The following SPIRE2 variants were observed in gnomAD, a reference collection of about 807,000 sequenced individuals.
SPIRE2 encodes the protein protein spire homolog 2.
SPIRE2 carries 76 observed loss-of-function variants against 80.7 expected under a neutral mutation model. The ratio of observed to expected loss-of-function variants is 0.94; its 90% CI spans 0.78 to 1.14. The LOEUF is 1.14. SPIRE2 is among the 50% of genes most tolerant of loss of function. The pLI is 0.00. For missense variants in SPIRE2, 1,196 were observed against 1,015.3 expected (o/e 1.18, Z -2.42); for synonymous variants, 535 against 432.6 (o/e 1.24, Z -2.94).
chr16:89,851,314 T>C (rs896879456), intron 3 of SPIRE2, among the ~76,000 whole-genome samples: 1 of 152,186 alleles, frequency 6.6e-6, no homozygotes, highest in Non-Finnish European at 1.5e-5. Flanking sequence ...TTCTGAAATA[T>C]GATGCCAAAG....
intron 10 of SPIRE2, chr16:89,862,225 G>C (rs2041751290): frequency 6.6e-6 from 1 of 151,832 alleles, no homozygotes; most frequent in African/African-American, 2.4e-5. Context: ...GGATGGTTTC[G>C]ATCTCCTGAC....
rs2041349951 is a variant in SPIRE2, at chr16:89,828,700, G to GCTGCGGGGCTCGCCGGGCCGGCGC, written c.158_181dup (p.Gly53_Arg60dup). The GCTGCGGGGCTCGCCGGGCCGGCGC allele has an allele frequency of 7.8e-7, 1 of 1,287,622 alleles. No individual in the cohort carries two copies. The highest frequency in any genetic ancestry group is 1.5e-5 in the African/African-American group (1 of 65,190). The allele number at this position is 1,287,622 out of a possible 1,614,324, so 79.8% of individuals were successfully genotyped here. A position where few individuals can be genotyped will look rare whatever the true frequency, so the allele number is the denominator to read the frequency against. ...CCGTGTGCTTCCAGGGCTGCCGCGG[G>GCTGCGGGGCTCGCCGGGCCGGCGC]CTGCGGGGCTCGCCGGGCCGGCGCC... On this transcript the variant is annotated inframe_insertion, in exon 1 of 15. Transcript: ENST00000378247. The surrounding 1 kb of genome is among the most constrained non-coding windows in gnomAD (Gnocchi z 5.9).
chr16:89,858,696 C>T (rs1390159328), intron 8 of SPIRE2, among the ~76,000 whole-genome samples, 189 bp downstream of exon 8: 2 of 152,202 alleles, frequency 1.3e-5, no homozygotes, highest in Non-Finnish European at 2.9e-5. Context: ...CCATCTTGGC[C>T]GCTCAGAAGG....
chr16:89,870,390 C>T lies in SPIRE2; in HGVS notation c.*118C>T, dbSNP rs2041829988. The T allele has an allele frequency of 1.6e-6, 1 of 639,170 alleles. No individual in the cohort carries two copies. The highest frequency in any genetic ancestry group is 2.6e-5 in the Admixed American group (1 of 37,916). The allele number at this position is 639,170 out of a possible 1,614,324, so 39.6% of individuals were successfully genotyped here. Reference sequence around the variant, plus strand: ...TAGATACATTTATAATATATACACACAGTCTATATATTTATATACACTGTT... The same window carrying T: ...TAGATACATTTATAATATATACACATAGTCTATATATTTATATACACTGTT... On this transcript the variant is annotated 3_prime_UTR_variant, in exon 15 of 15. Coordinates refer to ENST00000378247, the MANE Select transcript of SPIRE2 (RefSeq NM_032451.2).
At chr16:89,853,263 A>C (rs1268660610) in intron 3 of SPIRE2, among the ~76,000 whole-genome samples, 1 of 152,186 alleles carries the variant, frequency 6.6e-6, no homozygotes, top group Non-Finnish European at 1.5e-5. Context: ...TCGGCCTCCC[A>C]GAGTGCTGGG....
intron 6 of SPIRE2, 98 bp from the exon 7 acceptor site, chr16:89,856,015 G>C (rs1567675991): frequency 1.3e-6 from 2 of 1,537,620 alleles, no homozygotes; most frequent in Non-Finnish European, 8.8e-7. Context: ...CCGTGTCATG[G>C]TCACTTCCCC....
intron 1 of SPIRE2, chr16:89,836,411 A>T: frequency 2.8e-6 from 1 of 360,172 alleles, no homozygotes; most frequent in South Asian, 2.0e-5. Context: ...ACCCACCTCC[A>T]GATCCTCCTC....
At chr16:89,835,031 A>C (rs997241646) in intron 1 of SPIRE2, among the ~76,000 whole-genome samples, 11 of 150,464 alleles carry the variant, frequency 7.3e-5, no homozygotes, top group Non-Finnish European at 1.2e-4. Flanking sequence ...TGGCCGTCGT[A>C]GAAGCGTGGA....
At chr16:89,861,029 C>G (rs905107697) in intron 10 of SPIRE2, among the ~76,000 whole-genome samples, 4 of 152,118 alleles carry the variant, frequency 2.6e-5, no homozygotes, top group African/African-American at 9.7e-5. Context: ...CACTGCGGCC[C>G]CGGAGCCTGG....
In SPIRE2 at chr16:89,869,679, T is replaced by G; in HGVS notation, c.1919T>G (p.Phe640Cys). The change falls in exon 14 of 15, where the codon TTT (phenylalanine) becomes TGT (cysteine). Residue 640 changes from phenylalanine (F) to cysteine (C), a missense_variant. Transcript: ENST00000378247. ...KTAPIQRRDIFQSLQGPQWQS... is the reference protein window; with the variant it reads ...KTAPIQRRDICQSLQGPQWQS... ...GCGCCAATCCAGAGAAGAGACATCT[T>G]TCAGTGCGTTCTTCGCCTTGCTGCT... 3 of 1,611,000 alleles carry G rather than the reference T, an allele frequency of 1.9e-6. No individual in the cohort carries two copies. The highest frequency in any genetic ancestry group is 2.5e-6 in the Non-Finnish European group (3 of 1,177,174).
intron 1 of SPIRE2, among the ~76,000 whole-genome samples, chr16:89,838,829 C>G (rs532391632): frequency 6.6e-6 from 1 of 152,298 alleles, no homozygotes; most frequent in South Asian, 2.1e-4. Flanking sequence ...CTCTCTTTTC[C>G]TCAGTGTGGG....
At chr16:89,855,997 G>C in intron 6 of SPIRE2, 116 bp from the exon 7 acceptor site, 1 of 1,496,646 alleles carries the variant, frequency 6.7e-7, no homozygotes, top group Non-Finnish European at 8.9e-7. Flanking sequence ...TCCGACTCCA[G>C]AGTGGGCCCG....
At chr16:89,861,499 C>T (rs573909346) in intron 10 of SPIRE2, among the ~76,000 whole-genome samples, 6 of 152,180 alleles carry the variant, frequency 3.9e-5, no homozygotes, top group African/African-American at 1.2e-4. Context: ...TAGCCTAGGT[C>T]GTATCCCACC....
At chr16:89,855,151 G>T (rs966759003) in intron 5 of SPIRE2, among the ~76,000 whole-genome samples, 1 of 152,144 alleles carries the variant, frequency 6.6e-6, no homozygotes, top group Non-Finnish European at 1.5e-5. Flanking sequence ...TGTTAGCCAC[G>T]ATGGTCTCGA....
chr16:89,854,731 TGTTGG>T (rs2041673149), intron 5 of SPIRE2, 80 bp downstream of exon 5: 323 of 1,524,044 alleles, frequency 2.1e-4, no homozygotes, highest in Non-Finnish European at 2.6e-4. Context: ...GCAGCCTGGA[TGTTGG>T]GCAGCCCACC....
chr16:89,842,783 C>G (rs748817961), intron 1 of SPIRE2, among the ~76,000 whole-genome samples: 76 of 152,222 alleles, frequency 5.0e-4, no homozygotes, highest in Non-Finnish European at 2.8e-4. Context: ...TGCAAACGTG[C>G]TGAACGCCCA....
chr16:89,858,001 G>A (rs1597221029), intron 7 of SPIRE2, among the ~76,000 whole-genome samples: 1 of 150,442 alleles, frequency 6.6e-6, no homozygotes, highest in African/African-American at 2.4e-5. Context: ...TCCTGCCTTA[G>A]CTTCCCGAGT....
At chr16:89,834,509 G>C (rs1264319172) in intron 1 of SPIRE2, among the ~76,000 whole-genome samples, 1 of 68,494 alleles carries the variant, frequency 1.5e-5, no homozygotes, top group African/African-American at 6.0e-5. Context: ...TCGTAGAAGT[G>C]TGGATAAGCA....
At chr16:89,860,869 G>A in intron 10 of SPIRE2, 74 bp downstream of exon 10, 1 of 970,696 alleles carries the variant, frequency 1.0e-6, no homozygotes, top group Non-Finnish European at 1.5e-6. Flanking sequence ...CCGCCAGCCA[G>A]GTCTGGGAGA....
Sources: allele counts gnomAD v4.1 joint callset (sites outside exome capture counted in the v4.1 genomes callset), GRCh38; gene constraint gnomAD v4.1.1; non-coding constraint Gnocchi (gnomAD v3.1); transcripts MANE v1.5; gene names NCBI Gene and HGNC (gene_info 2026-07-23, HGNC 2026-07-21).